Variants in CSRNP1 observed in about 807,000 individuals in gnomAD.
CSRNP1 encodes the protein cysteine/serine-rich nuclear protein 1.
Under a neutral mutation model 25.0 loss-of-function variants are expected in CSRNP1, and 8 were observed. The ratio of observed to expected loss-of-function variants is 0.32; its 90% confidence interval spans 0.19 to 0.58. The LOEUF (loss-of-function observed/expected upper bound fraction) is 0.58. Among genes scored for constraint, CSRNP1 ranks in the 20% least tolerant of loss-of-function variants. CSRNP1 has a pLI of 0.88. For synonymous variants in CSRNP1, 305 were observed against 303.1 expected (o/e 1.01, Z -0.06); for missense variants, 691 against 773.1 (o/e 0.89, Z 1.26).
Position 39,146,599 on chromosome 3 carries a change from G to A in CSRNP1, c.84C>T (p.Cys28=), listed in dbSNP as rs1261060404. 36 of 1,567,694 alleles carry A rather than the reference G, an allele frequency of 2.3e-5. No individual in the cohort carries two copies. The highest frequency in any genetic ancestry group is 2.9e-5 in the Non-Finnish European group (34 of 1,155,896). Reference sequence around the variant, plus strand: ...AGCTTGGGGAGCAGGAGCGAGACTGGCACCCAGAGGAAGAGGAGGAGGAGG... The same window carrying A: ...AGCTTGGGGAGCAGGAGCGAGACTGACACCCAGAGGAAGAGGAGGAGGAGG... ...SVSSSSSSSG[C]QSRSCSPSSS... The change falls in exon 2 of 5, where the codon TGC becomes TGT. Residue 28 remains cysteine (C), a synonymous_variant. Coordinates refer to ENST00000273153, the MANE Select transcript of CSRNP1 (RefSeq NM_033027.4).
Position 39,144,570 on chromosome 3 carries a change from G to A in CSRNP1, c.466-119C>T, listed in dbSNP as rs962954769. The A allele has an allele frequency of 6.9e-5, 67 of 970,650 alleles. No individual in the cohort carries two copies. In the African/African-American group the frequency reaches 7.9e-4, roughly 11 times the overall value. The allele number at this position is 970,650 out of a possible 1,614,324, so 60.1% of individuals were successfully genotyped here. On this transcript the variant is annotated intron_variant, in intron 3 of 4. Transcript: ENST00000273153. ...CCCCCACTACTCGTGCTTAATCTGCGATGGGCACTGTGTGTCAGACAGTGA... is the reference window on the plus strand; with the variant it reads ...CCCCCACTACTCGTGCTTAATCTGCAATGGGCACTGTGTGTCAGACAGTGA...
chr3:39,146,379 T>A, intron 2 of CSRNP1, 99 bp downstream of exon 2: 6 of 1,421,600 alleles, frequency 4.2e-6, no homozygotes, highest in Non-Finnish European at 5.6e-6. Flanking sequence ...CATGGGGACC[T>A]AACCACCAGA....
In CSRNP1 at chr3:39,142,665, A is replaced by ACCCAT; in HGVS notation, c.*389_*390insATGGG. 5.8e-6 allele frequency: 1 copy of ACCCAT among 171,918 alleles called. No individual in the cohort carries two copies. The highest frequency in any genetic ancestry group is 1.6e-4 in the South Asian group (1 of 6,278). 10.6% of individuals were successfully genotyped at this position (171,918 alleles called of 1,614,324 possible). ...TTAGCCACCCATGGGTCTAGGGCTC[A>ACCCAT]GGGTGGCAGAAGCCACCTGATTTCA... On this transcript the variant is annotated 3_prime_UTR_variant, in exon 5 of 5. Transcript: ENST00000273153.
chr3:39,147,175 C>A (rs1432129505), intron 1 of CSRNP1, among the ~76,000 whole-genome samples: 4 of 152,076 alleles, frequency 2.6e-5, no homozygotes, highest in African/African-American at 7.2e-5. Context: ...CGCTGACTCA[C>A]AGGCTGGGTG....
Position 39,143,083 on chromosome 3 carries a change from G to A in CSRNP1, c.1742C>T (p.Ala581Val). Residue 581 changes from alanine to valine, a missense_variant, in exon 5 of 5, where the codon GCA (alanine) becomes GTA (valine). Coordinates refer to ENST00000273153, the MANE Select transcript of CSRNP1 (RefSeq NM_033027.4). ...IDSQFEDTVP[A>V]SLMEPVPV ...CACCGGCACAGGCTCCATTAGAGAT[G>A]CTGGGACAGTGTCCTCAAACTGGCT... 6.2e-7 allele frequency: 1 copy of A among 1,601,762 alleles called. No individual in the cohort carries two copies.
intron 1 of CSRNP1, chr3:39,152,426 A>G: frequency 6.5e-6 from 1 of 153,104 alleles, no homozygotes; most frequent in Non-Finnish European, 1.5e-5. Flanking sequence ...TGCCAGGGCC[A>G]GGAGAGATGA....
chr3:39,147,211 CTGTG>C (rs10679310), intron 1 of CSRNP1, among the ~76,000 whole-genome samples: 9 of 148,456 alleles, frequency 6.1e-5, no homozygotes, highest in South Asian at 2.2e-4. Context: ...ATCTGTGTGC[CTGTG>C]TGTGTGTGTG....
rs773816035 is a variant in CSRNP1, at chr3:39,144,379, C to T, written c.538G>A (p.Val180Met). ...PVVDAIDDAS[V>M]EEDLAVAVAG... is the part of the protein sequence containing the mutation. ...ACAGCGACTGCCAAGTCCTCCTCCA[C>T]AGAGGCGTCATCAATGGCATCCACC... The change falls in exon 4 of 5, where the codon GTG becomes ATG. Residue 180 changes from valine (V) to methionine (M), a missense_variant. Val to Met is a conservative substitution (Grantham distance 21). Coordinates refer to ENST00000273153, the MANE Select transcript of CSRNP1 (RefSeq NM_033027.4). 6.2e-6 allele frequency: 10 copies of T among 1,613,876 alleles called. No individual in the cohort carries two copies. Among genetic ancestry groups the T allele is most frequent in the Non-Finnish European group, 8.5e-6 (10 of 1,180,000 alleles).
At chr3:39,146,264 C>T (rs182259842) in intron 2 of CSRNP1, among the ~76,000 whole-genome samples, 49 of 152,264 alleles carry the variant, frequency 3.2e-4, no homozygotes, top group African/African-American at 1.1e-3. Context: ...AGCTGCATCC[C>T]GGATGTCATC....
intron 3 of CSRNP1, 40 bp downstream of exon 3, chr3:39,144,957 G>A: frequency 6.4e-7 from 1 of 1,560,546 alleles, no homozygotes. Context: ...GACTCCAGGA[G>A]CTGCCTCAGG....
Position 39,145,215 on chromosome 3 carries a change from G to T in CSRNP1, c.247C>A (p.Arg83Ser). 1 of 1,611,210 alleles carries T rather than the reference G, an allele frequency of 6.2e-7. No individual in the cohort carries two copies. The highest frequency in any genetic ancestry group is 8.5e-7 in the Non-Finnish European group (1 of 1,177,696). ...LKRARRERPG[R>S]VAFDGITVFY... ...ACGGTGATCCCATCAAAGGCTACAC[G>T]GCCTGGGCGCTCCCGGCGAGCCCGC... The change falls in exon 3 of 5, where the codon CGT becomes AGT. Residue 83 changes from arginine (R) to serine (S), a missense_variant. Physicochemically the swap from Arg to Ser is moderately radical, Grantham distance 110 (BLOSUM62 -1). Transcript: ENST00000273153.
chr3:39,150,725 G>A (rs973170833), intron 1 of CSRNP1: 1 of 152,324 alleles, frequency 6.6e-6, no homozygotes, highest in South Asian at 2.1e-4. Context: ...TACGCACTGC[G>A]GCTCTGCCTA....
intron 1 of CSRNP1, chr3:39,152,265 C>T (rs2039591723): frequency 2.0e-5 from 3 of 152,502 alleles, no homozygotes. Flanking sequence ...AGGGGCAGCC[C>T]GCGAGGCTGA....
Position 39,146,651 on chromosome 3 carries a change from T to C in CSRNP1, c.32A>G (p.Gln11Arg). Residue 11 changes from glutamine (Q) to arginine (R), a missense_variant, in exon 2 of 5, where the codon CAG becomes CGG. By Grantham distance (43) the Gln-to-Arg change is conservative. Transcript: ENST00000273153. ...GACCGAGGAGTTGTCCTCATCCAGC[T>C]GGTCAAATTTCCTCTTCAACAGCCC... MTGLLKRKFD[Q>R]LDEDNSSVSS... 1.3e-6 allele frequency: 2 copies of C among 1,569,100 alleles called. No individual in the cohort carries two copies. The highest frequency in any genetic ancestry group is 1.7e-6 in the Non-Finnish European group (2 of 1,156,988).
intron 2 of CSRNP1, 117 bp downstream of exon 2, chr3:39,146,361 G>T: frequency 5.5e-6 from 7 of 1,284,208 alleles, no homozygotes; most frequent in Non-Finnish European, 7.4e-6. Flanking sequence ...GCTCATGAGA[G>T]CTACCGCCAT....
At chr3:39,147,871 G>A (rs1344433440) in intron 1 of CSRNP1, among the ~76,000 whole-genome samples, 2 of 152,130 alleles carry the variant, frequency 1.3e-5, no homozygotes, top group Non-Finnish European at 2.9e-5. Context: ...GAGGTCACCA[G>A]GGGGAAAGGG....
At position 39,143,317 on chromosome 3, in the gene CSRNP1, T is replaced by C. The variant is rs747186948; in HGVS notation, c.1508A>G (p.Asp503Gly). The change falls in exon 5 of 5, where the codon GAC becomes GGC. Residue 503 changes from aspartate to glycine, a missense_variant. Transcript: ENST00000273153. ...SSVDLSLSSC[D>G]SFELLQALPD... ...CAGAGCCTGGAGTAACTCAAAGGAG[T>C]CACAAGAAGACAAGCTGAGATCCAC... The C allele has an allele frequency of 8.7e-6, 14 of 1,612,986 alleles. No homozygotes were observed. In the South Asian group the frequency reaches 1.5e-4, roughly 18 times the overall value.
rs2039452818 is a variant in CSRNP1, at chr3:39,143,624, CAG to C, written c.1199_1200del (p.Ser400Ter). 2 of 1,614,238 alleles carry C rather than the reference CAG, an allele frequency of 1.2e-6. No homozygotes were observed. Among genetic ancestry groups the C allele is most frequent in the Non-Finnish European group, 1.7e-6 (2 of 1,180,046 alleles). ...TCTTCCTCCTCCTCCCCACCGAAGT[CAG>C]AGTCACTGAAACTCAAGATGCGTGC... ...SLARILSFSD[S>X]DFGGEEEEEE... On this transcript the variant is annotated frameshift_variant, in exon 5 of 5. Coordinates refer to ENST00000273153, the MANE Select transcript of CSRNP1 (RefSeq NM_033027.4). LOFTEE classifies it low-confidence loss of function (END_TRUNC).
rs201626609 is a variant in CSRNP1, at chr3:39,143,543, T to C, written c.1282A>G (p.Ile428Val). ...DNLSCFHPAD[I>V]FGTSDPGGLA... The stretch of plus-strand genomic sequence containing the variant: ...CCACCAGGGTCACTAGTACCAAAGA[T>C]GTCAGCTGGATGGAAGCAGCTGAGG... The change falls in exon 5 of 5, where the codon ATC (isoleucine) becomes GTC (valine). Residue 428 changes from isoleucine to valine, a missense_variant. By Grantham distance (29) the Ile-to-Val change is conservative. Coordinates refer to ENST00000273153, the MANE Select transcript of CSRNP1 (RefSeq NM_033027.4). 1.2e-6 allele frequency: 2 copies of C among 1,614,182 alleles called. No homozygotes were observed. The highest frequency in any genetic ancestry group is 1.1e-5 in the South Asian group (1 of 91,084).
Sources: allele counts gnomAD v4.1 joint callset (sites outside exome capture counted in the v4.1 genomes callset), GRCh38; gene constraint gnomAD v4.1.1; transcripts MANE v1.5; gene names NCBI Gene and HGNC (gene_info 2026-07-23, HGNC 2026-07-21).